SEC63: variants seen among roughly 807,000 people sequenced by gnomAD.
The protein encoded by SEC63 is SEC63 protein translocation regulator.
In SEC63, 56 loss-of-function variants were observed where a neutral mutation model predicts 116.2. The ratio of observed to expected loss-of-function variants is 0.48; its 90% CI spans 0.39 to 0.60. The LOEUF is 0.60. Ranked by LOEUF, SEC63 falls within the 20% of genes least tolerant of loss-of-function variation. SEC63 has a pLI of 0.00. For synonymous variants in SEC63, 273 were observed against 294.6 expected (o/e 0.93, Z 0.75); for missense variants, 668 against 900.0 (o/e 0.74, Z 3.30).
intron 4 of SEC63, among the ~76,000 whole-genome samples, chr6:107,915,245 A>G (rs2083146085): frequency 6.6e-6 from 1 of 152,106 alleles, no homozygotes; most frequent in Admixed American, 6.5e-5. Flanking sequence ...GGGGTAACAG[A>G]GGACGATTAT....
At chr6:107,910,800 G>A (rs1038912519) in intron 7 of SEC63, among the ~76,000 whole-genome samples, 7 of 151,772 alleles carry the variant, frequency 4.6e-5, no homozygotes, top group South Asian at 2.1e-4. Context: ...ACAGAGTCTC[G>A]CTCTGTCACC....
intron 16 of SEC63, 109 bp downstream of exon 16, chr6:107,893,373 A>G (rs1786734225): frequency 3.8e-6 from 4 of 1,041,420 alleles, no homozygotes; most frequent in Middle Eastern, 3.0e-4. Flanking sequence ...CTAGGGTATC[A>G]CGGGTGCATA....
intron 1 of SEC63, among the ~76,000 whole-genome samples, chr6:107,946,802 AAG>A (rs537434429): frequency 6.2e-4 from 95 of 152,234 alleles, no homozygotes; most frequent in Middle Eastern, 3.4e-3. Flanking sequence ...TCAGGAGTTC[AAG>A]ACCAGCCTGG....
At chr6:107,900,461 G>A (rs980094556) in intron 13 of SEC63, among the ~76,000 whole-genome samples, 7 of 152,046 alleles carry the variant, frequency 4.6e-5, no homozygotes, top group Non-Finnish European at 1.0e-4. Context: ...GGGCAACATG[G>A]TGAAACGCTG....
At chr6:107,934,916 G>A (rs1236897090) in intron 1 of SEC63, among the ~76,000 whole-genome samples, 1 of 37,194 alleles carries the variant, frequency 2.7e-5, no homozygotes, top group Non-Finnish European at 4.9e-5. Flanking sequence ...CCCCCGCCAG[G>A]CCAGCCACCC....
At chr6:107,939,768 T>TA (rs1046459203) in intron 1 of SEC63, among the ~76,000 whole-genome samples, 5 of 150,770 alleles carry the variant, frequency 3.3e-5, no homozygotes, top group South Asian at 2.1e-4. Flanking sequence ...AAAAATAATT[T>TA]AAAAAAAAAA....
Position 107,871,821 on chromosome 6 carries a change from C to T in SEC63, c.2166G>A (p.Val722=). ...TATCCCACTGTGGGTGATTTTCTGG[C>T]ACAGGCTTAGCCTCATGAACTTCCA... ...LKLEVHEAKP[V]PENHPQWDTA... is the part of the protein sequence containing the mutation. The change falls in exon 21 of 21, where the codon GTG becomes GTA. Residue 722 remains valine, a synonymous_variant. Coordinates refer to ENST00000369002, the MANE Select transcript of SEC63 (RefSeq NM_007214.5). 6.2e-7 allele frequency: 1 copy of T among 1,613,704 alleles called. No individual in the cohort carries two copies.
intron 1 of SEC63, chr6:107,931,983 G>C (rs777947997): frequency 1.3e-5 from 2 of 153,480 alleles, no homozygotes; most frequent in Non-Finnish European, 2.9e-5. Flanking sequence ...GTCCTAGGAA[G>C]AACACCCCCA....
At chr6:107,895,859 T>TC (rs1786800863) in intron 14 of SEC63, among the ~76,000 whole-genome samples, 1 of 41,684 alleles carries the variant, frequency 2.4e-5, no homozygotes, top group Admixed American at 2.4e-4. Context: ...CGCACCTCTA[T>TC]TAAAAAAAAA....
At chr6:107,913,002 C>A (rs574733794) in intron 5 of SEC63, among the ~76,000 whole-genome samples, 71 of 152,244 alleles carry the variant, frequency 4.7e-4, no homozygotes, top group African/African-American at 1.7e-3. Flanking sequence ...CCTGTAAGTA[C>A]AAATTCCTTC....
chr6:107,929,300 T>C (rs1787745439), intron 2 of SEC63, 115 bp downstream of exon 2: 1 of 650,878 alleles, frequency 1.5e-6, no homozygotes, highest in South Asian at 1.9e-5. Context: ...ACCCTTACTA[T>C]AGATTACAAT....
intron 1 of SEC63, among the ~76,000 whole-genome samples, chr6:107,945,866 C>T (rs1417335606): frequency 6.6e-6 from 1 of 152,114 alleles, no homozygotes; most frequent in Non-Finnish European, 1.5e-5. Flanking sequence ...AGATATGCAA[C>T]AAGATGTTTA....
intron 16 of SEC63, among the ~76,000 whole-genome samples, chr6:107,889,553 G>T (rs1364064221): frequency 6.6e-6 from 1 of 151,720 alleles, no homozygotes; most frequent in East Asian, 1.9e-4. Flanking sequence ...TGGATTCATT[G>T]ATTTTTTTTT....
At chr6:107,957,496 G>C (rs1770733137) in intron 1 of SEC63, 1 of 158,328 alleles carries the variant, frequency 6.3e-6, no homozygotes. Flanking sequence ...TGGACGGACT[G>C]AGAGTTGTGC....
At chr6:107,888,080 T>C (rs904572700) in intron 16 of SEC63, among the ~76,000 whole-genome samples, 34 of 152,206 alleles carry the variant, frequency 2.2e-4, no homozygotes, top group African/African-American at 7.5e-4. Context: ...ATGCGGGCTC[T>C]TTTTTGGTTC....
At chr6:107,951,702 G>C (rs923265171) in intron 1 of SEC63, among the ~76,000 whole-genome samples, 2 of 151,602 alleles carry the variant, frequency 1.3e-5, no homozygotes, top group African/African-American at 4.8e-5. Flanking sequence ...TCCCGAAGTG[G>C]GCCGGGCGCG....
intron 1 of SEC63, among the ~76,000 whole-genome samples, chr6:107,953,012 G>A (rs572093487): frequency 3.3e-5 from 5 of 151,980 alleles, no homozygotes; most frequent in Non-Finnish European, 7.4e-5. Context: ...GTAATCCCAG[G>A]ACTTTGGGAC....
intron 19 of SEC63, among the ~76,000 whole-genome samples, chr6:107,876,195 C>A (rs1160519194): frequency 6.6e-6 from 1 of 152,158 alleles, no homozygotes; most frequent in Non-Finnish European, 1.5e-5. Context: ...AAATCCACAT[C>A]ATCAGTTCTT....
chr6:107,953,729 T>G (rs531951635), intron 1 of SEC63, among the ~76,000 whole-genome samples: 21 of 112,832 alleles, frequency 1.9e-4, no homozygotes, highest in Admixed American at 1.3e-3. Flanking sequence ...CCAGCCGCCC[T>G]GTCCGGGAGG....
Sources: allele counts gnomAD v4.1 joint callset (sites outside exome capture counted in the v4.1 genomes callset), GRCh38; gene constraint gnomAD v4.1.1; transcripts MANE v1.5; gene names NCBI Gene and HGNC (gene_info 2026-07-23, HGNC 2026-07-21).